The following SPIDR variants were observed in gnomAD, a reference collection of about 807,000 sequenced individuals.
SPIDR encodes scaffold protein involved in DNA repair.
SPIDR carries 93 observed loss-of-function variants against 104.6 expected under a neutral mutation model. The observed-to-expected ratio is 0.89, with a 90% confidence interval of 0.75 to 1.06. SPIDR has a LOEUF of 1.06. SPIDR is among the 50% of genes least tolerant of loss of function. SPIDR has a pLI of 0.00. For missense variants in SPIDR, 1,154 were observed against 1,111.2 expected (o/e 1.04, Z -0.55); for synonymous variants, 431 against 416.9 (o/e 1.03, Z -0.41).
intron 10 of SPIDR, among the ~76,000 whole-genome samples, chr8:47,637,704 G>A (rs527840213): frequency 6.6e-6 from 1 of 152,318 alleles, no homozygotes; most frequent in South Asian, 2.1e-4. Context: ...CGTATCCAGT[G>A]TACACTCTGT....
chr8:47,670,496 C>T (rs1589038954), intron 10 of SPIDR, among the ~76,000 whole-genome samples: 1 of 152,078 alleles, frequency 6.6e-6, no homozygotes, highest in East Asian at 1.9e-4. Context: ...GTTTGTGGAT[C>T]GATTACCAAC....
intron 10 of SPIDR, among the ~76,000 whole-genome samples, chr8:47,622,836 A>G (rs2065365578): frequency 6.6e-6 from 1 of 152,198 alleles, no homozygotes; most frequent in African/African-American, 2.4e-5. Flanking sequence ...CAAGCCCATA[A>G]TATGAAATTA....
chr8:47,392,339 A>G (rs1247150694), intron 5 of SPIDR, among the ~76,000 whole-genome samples: 1 of 152,178 alleles, frequency 6.6e-6, no homozygotes, highest in African/African-American at 2.4e-5. Flanking sequence ...TACCACTCCA[A>G]GTGGTCTTCT....
intron 5 of SPIDR, among the ~76,000 whole-genome samples, chr8:47,390,298 G>A (rs782499325): frequency 6.6e-6 from 1 of 152,054 alleles, no homozygotes; most frequent in Non-Finnish European, 1.5e-5. Flanking sequence ...TGTGCCCAGT[G>A]AAACAAGTAT....
chr8:47,338,293 A>G (rs1232953729), intron 5 of SPIDR, among the ~76,000 whole-genome samples: 1 of 152,210 alleles, frequency 6.6e-6, no homozygotes, highest in Non-Finnish European at 1.5e-5. Flanking sequence ...CTTTTATGGT[A>G]TGAAATTCCC....
intron 8 of SPIDR, among the ~76,000 whole-genome samples, chr8:47,457,969 A>G (rs1554710816): frequency 6.6e-6 from 1 of 152,154 alleles, no homozygotes. Flanking sequence ...TTTTTATACC[A>G]GCACCATGCT....
chr8:47,411,109 A>G (rs1404666746), intron 7 of SPIDR, among the ~76,000 whole-genome samples: 1 of 152,156 alleles, frequency 6.6e-6, no homozygotes, highest in Non-Finnish European at 1.5e-5. Context: ...GAATAGTGCC[A>G]CAGTAAACAT....
intron 14 of SPIDR, among the ~76,000 whole-genome samples, chr8:47,705,228 G>T (rs2080911279): frequency 6.6e-6 from 1 of 152,220 alleles, no homozygotes; most frequent in African/African-American, 2.4e-5. Context: ...CTGTGAAGGG[G>T]TCCTCCCTCA....
At chr8:47,701,666 C>T (rs1346765546) in intron 12 of SPIDR, 55 bp from the exon 13 acceptor site, 1 of 1,550,322 alleles carries the variant, frequency 6.5e-7, no homozygotes, top group Non-Finnish European at 8.8e-7. Flanking sequence ...AATATCTCCT[C>T]TTTTTGAGTC....
At chr8:47,628,468 G>A (rs1307157393) in intron 10 of SPIDR, among the ~76,000 whole-genome samples, 1 of 152,152 alleles carries the variant, frequency 6.6e-6, no homozygotes, top group Non-Finnish European at 1.5e-5. Context: ...AACTTGTTGA[G>A]CACCAGCATG....
intron 5 of SPIDR, among the ~76,000 whole-genome samples, chr8:47,365,593 A>G (rs1182998854): frequency 1.3e-5 from 2 of 152,196 alleles, no homozygotes; most frequent in African/African-American, 4.8e-5. Context: ...CACATTTTCC[A>G]AGTTCTGTTC....
intron 10 of SPIDR, among the ~76,000 whole-genome samples, chr8:47,663,623 G>A (rs933880141): frequency 3.3e-5 from 5 of 152,146 alleles, no homozygotes; most frequent in African/African-American, 9.7e-5. Context: ...ATCTGGCTTG[G>A]CAATTTTGTA....
intron 16 of SPIDR, among the ~76,000 whole-genome samples, chr8:47,720,511 A>G (rs2083242174): frequency 6.6e-6 from 1 of 152,242 alleles, no homozygotes; most frequent in African/African-American, 2.4e-5. Context: ...GATTTTTGCC[A>G]TTCTAATAGA....
At chr8:47,704,348 C>G (rs1054322492) in intron 14 of SPIDR, among the ~76,000 whole-genome samples, 1 of 152,212 alleles carries the variant, frequency 6.6e-6, no homozygotes, top group African/African-American at 2.4e-5. Context: ...TGTCACTGTT[C>G]CTAATTCCAA....
intron 5 of SPIDR, among the ~76,000 whole-genome samples, chr8:47,324,175 A>G (rs1473476918): frequency 1.3e-5 from 2 of 152,174 alleles, no homozygotes; most frequent in Non-Finnish European, 2.9e-5. Flanking sequence ...AATAAAATAC[A>G]TTTTTATATT....
chr8:47,301,417 T>C (rs1427486678), intron 5 of SPIDR, among the ~76,000 whole-genome samples: 1 of 152,214 alleles, frequency 6.6e-6, no homozygotes, highest in Non-Finnish European at 1.5e-5. Context: ...GTCTGTGTCT[T>C]TTTATTGGAG....
chr8:47,551,391 A>G (rs1249747339), intron 8 of SPIDR, among the ~76,000 whole-genome samples: 3 of 152,152 alleles, frequency 2.0e-5, no homozygotes, highest in African/African-American at 4.8e-5. Flanking sequence ...CTGTGAATCC[A>G]TCTGGTCCTG....
intron 8 of SPIDR, among the ~76,000 whole-genome samples, chr8:47,455,619 A>T (rs1349321890): frequency 6.6e-6 from 1 of 152,168 alleles, no homozygotes; most frequent in African/African-American, 2.4e-5. Context: ...CCTATAAGCC[A>T]TCTACAAGAG....
intron 8 of SPIDR, among the ~76,000 whole-genome samples, chr8:47,444,170 A>G (rs1208468180): frequency 1.3e-5 from 2 of 152,234 alleles, no homozygotes; most frequent in Non-Finnish European, 2.9e-5. Context: ...CTTTATAATG[A>G]TTCCAAAGAA....
Sources: allele counts gnomAD v4.1 joint callset (sites outside exome capture counted in the v4.1 genomes callset), GRCh38; gene constraint gnomAD v4.1.1; transcripts MANE v1.5; gene names NCBI Gene and HGNC (gene_info 2026-07-23, HGNC 2026-07-21).